The following KCNT2 variants were observed in gnomAD, a reference collection of about 807,000 sequenced individuals.
The protein encoded by KCNT2 is potassium sodium-activated channel subfamily T member 2, also known as potassium channel subfamily T member 2.
In KCNT2, 67 loss-of-function variants were observed where a neutral mutation model predicts 153.8. The observed-to-expected ratio is 0.44, with a 90% CI of 0.36 to 0.53. The LOEUF (loss-of-function observed/expected upper bound fraction) is 0.53. Among genes scored for constraint, KCNT2 ranks in the 20% least tolerant of loss-of-function variants. The probability of loss-of-function intolerance (pLI) is 0.00; values close to 1 mark genes in which losing one functional copy is unlikely to be tolerated. For synonymous variants in KCNT2, 500 were observed against 458.8 expected, an observed-to-expected ratio of 1.09 and a Z score of -1.15; for missense variants, 975 against 1,354.8, an observed-to-expected ratio of 0.72 and a Z score of 4.40.
intron 1 of KCNT2, among the ~76,000 whole-genome samples, chr1:196,571,296 A>T (rs2148951059): frequency 6.6e-6 from 1 of 152,248 alleles, no homozygotes; most frequent in Admixed American, 6.5e-5. Flanking sequence ...TTTAGGCAGC[A>T]TGAGACAAGA....
At chr1:196,372,319 G>A (rs567082362) in intron 14 of KCNT2, among the ~76,000 whole-genome samples, 75 of 151,746 alleles carry the variant, frequency 4.9e-4, no homozygotes, top group Non-Finnish European at 9.7e-4. Flanking sequence ...TATTTGATTT[G>A]ACACTTCACC....
chr1:196,238,722 C>T (rs1273605625), intron 26 of KCNT2, among the ~76,000 whole-genome samples: 1 of 151,838 alleles, frequency 6.6e-6, no homozygotes, highest in Non-Finnish European at 1.5e-5. Context: ...TGGAGAAATA[C>T]CTAATGTAAA....
At chr1:196,477,486 A>C (rs138673981) in intron 5 of KCNT2, among the ~76,000 whole-genome samples, 112 of 152,176 alleles carry the variant, frequency 7.4e-4, no homozygotes, top group Middle Eastern at 6.8e-3. Context: ...TAGTCAAGAG[A>C]GTAGGGAGAA....
At chr1:196,532,208 G>A (rs1655035191) in intron 1 of KCNT2, among the ~76,000 whole-genome samples, 1 of 151,928 alleles carries the variant, frequency 6.6e-6, no homozygotes, top group Non-Finnish European at 1.5e-5. Flanking sequence ...GCATCAGTTT[G>A]GCATAACAGT....
chr1:196,396,533 A>T (rs1374223741), intron 13 of KCNT2, among the ~76,000 whole-genome samples: 5 of 151,626 alleles, frequency 3.3e-5, no homozygotes, highest in Admixed American at 2.6e-4. Context: ...CTTCATGCTG[A>T]GATATAAAAT....
intron 12 of KCNT2, among the ~76,000 whole-genome samples, chr1:196,400,376 G>A (rs1377662163): frequency 6.6e-6 from 1 of 151,528 alleles, no homozygotes; most frequent in African/African-American, 2.4e-5. Context: ...TGAAGATAAT[G>A]GGCCATTCTA....
intron 27 of KCNT2, among the ~76,000 whole-genome samples, chr1:196,231,114 T>C (rs1308910195): frequency 2.0e-5 from 3 of 151,784 alleles, no homozygotes; most frequent in Non-Finnish European, 4.4e-5. Context: ...GGCAAGACTC[T>C]CTACCGGCAA....
intron 13 of KCNT2, among the ~76,000 whole-genome samples, chr1:196,379,484 A>G (rs1273823308): frequency 1.3e-5 from 2 of 151,562 alleles, no homozygotes; most frequent in South Asian, 2.1e-4. Flanking sequence ...AGGCAGGAGA[A>G]TCACTTGAAC....
Position 196,226,662 on chromosome 1 carries a change from A to G in KCNT2, c.*1562T>C, listed in dbSNP as rs1221400936. On this transcript the variant is annotated 3_prime_UTR_variant, in exon 28 of 28. Coordinates refer to ENST00000294725, the MANE Select transcript of KCNT2 (RefSeq NM_198503.5). ...TACAATGACTATAATCTTTGATTTC[A>G]CATTGCACTTTACAGTTTTATTTCT... 2 of 152,034 alleles carry G rather than the reference A, an allele frequency of 1.3e-5. No individual in the cohort carries two copies. Among genetic ancestry groups the G allele is most frequent in the Admixed American group, 6.5e-5 (1 of 15,282 alleles). The allele number at this position is 152,034 out of a possible 1,614,324, so 9.4% of individuals were successfully genotyped here. A position where few individuals can be genotyped will look rare whatever the true frequency, so the allele number is the denominator to read the frequency against.
At chr1:196,528,570 G>A (rs1654549146) in intron 1 of KCNT2, among the ~76,000 whole-genome samples, 7 of 151,996 alleles carry the variant, frequency 4.6e-5, no homozygotes, top group Admixed American at 4.6e-4. Flanking sequence ...TTTACTCATG[G>A]GTTCGTACCC....
chr1:196,430,941 A>G (rs1674098723), intron 8 of KCNT2, among the ~76,000 whole-genome samples: 1 of 152,176 alleles, frequency 6.6e-6, no homozygotes, highest in Admixed American at 6.5e-5. Context: ...ACTTAAATTC[A>G]GAATGCAACA....
intron 13 of KCNT2, among the ~76,000 whole-genome samples, chr1:196,396,348 G>A (rs995473102): frequency 6.6e-6 from 1 of 151,606 alleles, no homozygotes; most frequent in Non-Finnish European, 1.5e-5. Flanking sequence ...TATATACAAA[G>A]ATGGGGAAAT....
At chr1:196,484,909 A>G (rs1488071176) in intron 3 of KCNT2, among the ~76,000 whole-genome samples, 3 of 152,092 alleles carry the variant, frequency 2.0e-5, no homozygotes, top group African/African-American at 7.2e-5. Flanking sequence ...AGGAGCTAGA[A>G]CCAGAAATAC....
At chr1:196,424,026 C>A (rs944961423) in intron 11 of KCNT2, among the ~76,000 whole-genome samples, 2 of 151,750 alleles carry the variant, frequency 1.3e-5, no homozygotes, top group African/African-American at 4.8e-5. Flanking sequence ...TGGAAATGAA[C>A]ATAAAAATGG....
intron 1 of KCNT2, among the ~76,000 whole-genome samples, chr1:196,548,927 G>T (rs1386488567): frequency 1.3e-5 from 2 of 150,542 alleles, no homozygotes; most frequent in East Asian, 2.0e-4. Flanking sequence ...ACACCGCATA[G>T]TCTCACTCAT....
At chr1:196,477,268 T>C (rs1342654411) in intron 5 of KCNT2, among the ~76,000 whole-genome samples, 2 of 152,124 alleles carry the variant, frequency 1.3e-5, no homozygotes, top group African/African-American at 2.4e-5. Flanking sequence ...CTGAAGAATG[T>C]TATCTTCAAA....
intron 13 of KCNT2, among the ~76,000 whole-genome samples, chr1:196,393,067 C>T (rs1451888695): frequency 6.6e-6 from 1 of 151,366 alleles, no homozygotes; most frequent in South Asian, 2.1e-4. Context: ...CAATCAAATT[C>T]TGTGATATAT....
Position 196,402,231 on chromosome 1 carries a change from A to G in KCNT2, c.1186-3560T>C, listed in dbSNP as rs967903589. Among the ~76,000 whole-genome samples, 5 of 151,672 alleles carry G rather than the reference A, an allele frequency of 3.3e-5. No individual in the cohort carries two copies. The South Asian group carries it at 1.0e-3, about 31-fold the overall frequency. On this transcript the variant is annotated intron_variant, in intron 12 of 27. Coordinates refer to ENST00000294725, the MANE Select transcript of KCNT2 (RefSeq NM_198503.5). Reference sequence around the variant, plus strand: ...AATGATACCAGGGAGAAAGAACTTCAGAAATAAAACAAGAGTAACAAATGT... The same window carrying G: ...AATGATACCAGGGAGAAAGAACTTCGGAAATAAAACAAGAGTAACAAATGT...
At chr1:196,608,098 C>T (rs189361904) in intron 1 of KCNT2, 117 bp downstream of exon 1, 353 of 857,746 alleles carry the variant, frequency 4.1e-4, no homozygotes, top group Admixed American at 8.0e-4. Flanking sequence ...CTCCCCCAGC[C>T]TAGTCTCCCT....
Sources: allele counts gnomAD v4.1 joint callset (sites outside exome capture counted in the v4.1 genomes callset), GRCh38; gene constraint gnomAD v4.1.1; transcripts MANE v1.5; gene names NCBI Gene and HGNC (gene_info 2026-07-23, HGNC 2026-07-21).